The following ZRANB3 variants were observed in gnomAD, a reference collection of about 807,000 sequenced individuals.
ZRANB3 encodes the protein zinc finger RANBP2-type containing 3, also known as DNA annealing helicase and endonuclease ZRANB3.
Under a neutral mutation model 133.8 loss-of-function variants are expected in ZRANB3, and 125 were observed. The observed-to-expected ratio is 0.93, with a 90% CI of 0.81 to 1.08. ZRANB3 has a LOEUF of 1.08. Among genes scored for constraint, ZRANB3 ranks in the 50% least tolerant of loss-of-function variants. The pLI is 0.00. For synonymous variants in ZRANB3, 387 were observed against 432.7 expected, an observed-to-expected ratio of 0.89 and a Z score of 1.31; for missense variants, 1,229 against 1,275.5, an observed-to-expected ratio of 0.96 and a Z score of 0.56.
chr2:135,417,834 A>G (rs371594222), intron 2 of ZRANB3, among the ~76,000 whole-genome samples: 1 of 152,184 alleles, frequency 6.6e-6, no homozygotes. Flanking sequence ...ATTGGAAATC[A>G]TCACTCTCAG....
intron 2 of ZRANB3, among the ~76,000 whole-genome samples, chr2:135,430,723 G>A (rs1020125291): frequency 6.6e-6 from 1 of 152,078 alleles, no homozygotes; most frequent in Admixed American, 6.6e-5. Flanking sequence ...TAGATATATA[G>A]ATTAATCAAA....
At chr2:135,471,334 A>G (rs981905989) in intron 2 of ZRANB3, among the ~76,000 whole-genome samples, 8 of 152,034 alleles carry the variant, frequency 5.3e-5, no homozygotes, top group African/African-American at 1.7e-4. Context: ...TCCCTCCTAC[A>G]CACAAGCCAA....
Position 135,410,719 on chromosome 2 carries a change from T to C in ZRANB3, c.162-19899A>G, listed in dbSNP as rs2104953759. On this transcript the variant is annotated intron_variant, in intron 2 of 20. Coordinates refer to ENST00000264159, the MANE Select transcript of ZRANB3 (RefSeq NM_032143.4). ...AGAAAATATTTGCAAACTATGCAAC[T>C]GAAAAAGGACTAATATCTAGACTCT... 1.3e-5 allele frequency among the ~76,000 whole-genome samples: 2 copies of C among 152,052 alleles called. 1 individual carries two copies. Among genetic ancestry groups the C allele is most frequent in the South Asian group, 4.2e-4 (2 of 4,814 alleles).
chr2:135,234,013 G>A (rs1299132418), intron 12 of ZRANB3, among the ~76,000 whole-genome samples: 1 of 152,192 alleles, frequency 6.6e-6, no homozygotes, highest in Non-Finnish European at 1.5e-5. Flanking sequence ...TGGATAAAGA[G>A]TCAAGACCCA....
intron 2 of ZRANB3, among the ~76,000 whole-genome samples, chr2:135,493,174 A>T (rs1416159925): frequency 8.2e-4 from 84 of 102,152 alleles, no homozygotes; most frequent in African/African-American, 2.0e-3. Context: ...TATATATATA[A>T]ATAGAAAAAG....
intron 6 of ZRANB3, among the ~76,000 whole-genome samples, chr2:135,324,729 C>T (rs1683724866): frequency 1.3e-5 from 2 of 152,152 alleles, no homozygotes; most frequent in Non-Finnish European, 2.9e-5. Context: ...TTCTCCACAT[C>T]CTCTCCAGCA....
At chr2:135,363,134 A>G (rs1009294174) in intron 3 of ZRANB3, among the ~76,000 whole-genome samples, 10 of 152,236 alleles carry the variant, frequency 6.6e-5, no homozygotes, top group Admixed American at 2.0e-4. Context: ...GTGATAATCT[A>G]TATCACACAG....
chr2:135,202,985 A>G, intron 19 of ZRANB3, 22 bp from the exon 20 acceptor site: 1 of 1,607,182 alleles, frequency 6.2e-7, no homozygotes, highest in South Asian at 1.1e-5. Context: ...ATACAAGATC[A>G]GCAATTTTCA....
intron 5 of ZRANB3, among the ~76,000 whole-genome samples, chr2:135,345,995 G>A (rs1220513664): frequency 6.6e-6 from 1 of 152,170 alleles, no homozygotes; most frequent in African/African-American, 2.4e-5. Flanking sequence ...ATAATGCACT[G>A]CTTAAAAACT....
chr2:135,323,095 C>T (rs1262298539), intron 6 of ZRANB3, among the ~76,000 whole-genome samples: 2 of 151,730 alleles, frequency 1.3e-5, no homozygotes, highest in South Asian at 4.1e-4. Flanking sequence ...TTTTATTTTT[C>T]ATTAGTGTTT....
chr2:135,233,784 C>T (rs1695149671), intron 12 of ZRANB3, among the ~76,000 whole-genome samples: 1 of 152,116 alleles, frequency 6.6e-6, no homozygotes, highest in Non-Finnish European at 1.5e-5. Flanking sequence ...AAAAGAGCTC[C>T]TGAAGGAAGC....
chr2:135,408,526 G>A (rs1235120795), intron 2 of ZRANB3, among the ~76,000 whole-genome samples: 5 of 152,236 alleles, frequency 3.3e-5, no homozygotes, highest in Middle Eastern at 3.4e-3. Context: ...ACATGCACAC[G>A]TATGTTTATT....
intron 2 of ZRANB3, among the ~76,000 whole-genome samples, chr2:135,394,138 T>G (rs974376907): frequency 6.6e-6 from 1 of 151,930 alleles, no homozygotes; most frequent in Non-Finnish European, 1.5e-5. Context: ...ATTACAGGCA[T>G]GAGCCACCAT....
chr2:135,207,195 A>AAATAAAT (rs1693904948), intron 19 of ZRANB3, among the ~76,000 whole-genome samples: 1 of 141,718 alleles, frequency 7.1e-6, no homozygotes, highest in South Asian at 2.2e-4. Flanking sequence ...AATAAATAAT[A>AAATAAAT]AATAAATAAA....
intron 2 of ZRANB3, among the ~76,000 whole-genome samples, chr2:135,479,641 G>C (rs1415816746): frequency 6.6e-6 from 1 of 151,936 alleles, no homozygotes; most frequent in Non-Finnish European, 1.5e-5. Context: ...ACTCCAGCCT[G>C]GGTGACAGAG....
intron 12 of ZRANB3, among the ~76,000 whole-genome samples, chr2:135,255,098 C>A (rs1001861266): frequency 6.6e-6 from 1 of 152,038 alleles, no homozygotes. Context: ...ACTCATTAGG[C>A]AATGTTAAAT....
chr2:135,304,148 T>C (rs1233758444), intron 8 of ZRANB3, among the ~76,000 whole-genome samples: 1 of 152,154 alleles, frequency 6.6e-6, no homozygotes, highest in Non-Finnish European at 1.5e-5. Flanking sequence ...TAAAGGGAAG[T>C]GATGAGGAAA....
intron 1 of ZRANB3, among the ~76,000 whole-genome samples, chr2:135,521,886 T>C (rs1051588238): frequency 6.6e-6 from 1 of 152,094 alleles, no homozygotes; most frequent in Admixed American, 6.5e-5. Flanking sequence ...CTAGAGAGTG[T>C]GGGAAAGACA....
chr2:135,455,845 C>T (rs1690493548), intron 2 of ZRANB3, among the ~76,000 whole-genome samples: 1 of 152,014 alleles, frequency 6.6e-6, no homozygotes, highest in African/African-American at 2.4e-5. Flanking sequence ...CCACCCACCT[C>T]GGCCTCCCAA....
Sources: allele counts gnomAD v4.1 joint callset (sites outside exome capture counted in the v4.1 genomes callset), GRCh38; gene constraint gnomAD v4.1.1; transcripts MANE v1.5; gene names NCBI Gene and HGNC (gene_info 2026-07-23, HGNC 2026-07-21).